CSMD1: variants seen among roughly 807,000 people sequenced by gnomAD.
CSMD1 encodes the protein CUB and sushi domain-containing protein 1.
Under a neutral mutation model 417.5 loss-of-function variants are expected in CSMD1, and 213 were observed. The observed-to-expected ratio is 0.51, with a 90% confidence interval of 0.46 to 0.57. CSMD1 has a LOEUF of 0.57. Ranked by LOEUF, CSMD1 falls within the 20% of genes least tolerant of loss-of-function variation. CSMD1 has a pLI of 0.00. For synonymous variants in CSMD1, 2,862 were observed against 1,736.8 expected (o/e 1.65, Z -16.11); for missense variants, 6,923 against 4,529.7 (o/e 1.53, Z -15.17).
At chr8:4,613,729 T>A (rs562287817) in intron 2 of CSMD1, among the ~76,000 whole-genome samples, 1 of 152,208 alleles carries the variant, frequency 6.6e-6, no homozygotes, top group South Asian at 2.1e-4. Context: ...AATAGAAGAC[T>A]GAATTCTAAT....
chr8:4,206,391 G>A (rs939353988), intron 3 of CSMD1, among the ~76,000 whole-genome samples: 2 of 151,232 alleles, frequency 1.3e-5, no homozygotes, highest in African/African-American at 4.9e-5. Flanking sequence ...TCCCCACCCT[G>A]TCTCCAACTG....
chr8:4,127,344 T>C (rs1423694556), intron 3 of CSMD1, among the ~76,000 whole-genome samples: 7 of 149,246 alleles, frequency 4.7e-5, no homozygotes, highest in African/African-American at 1.5e-4. Flanking sequence ...TACAAGCCTC[T>C]CCCTTCCTTC....
At chr8:3,099,581 T>A (rs1051818127) in intron 46 of CSMD1, among the ~76,000 whole-genome samples, 10 of 152,126 alleles carry the variant, frequency 6.6e-5, no homozygotes, top group African/African-American at 2.4e-4. Flanking sequence ...AGGACTGAGA[T>A]TTTATAACTG....
intron 2 of CSMD1, among the ~76,000 whole-genome samples, chr8:4,443,369 G>A (rs1282387712): frequency 6.6e-6 from 1 of 152,128 alleles, no homozygotes; most frequent in Non-Finnish European, 1.5e-5. Context: ...TGAAACAACG[G>A]CTTTGATAAC....
At chr8:4,356,058 G>A (rs930882801) in intron 3 of CSMD1, among the ~76,000 whole-genome samples, 9 of 152,092 alleles carry the variant, frequency 5.9e-5, no homozygotes, top group Non-Finnish European at 1.3e-4. Context: ...CTCATCACCT[G>A]AGCAGTGTAC....
chr8:3,482,807 G>A (rs527335835), intron 11 of CSMD1, among the ~76,000 whole-genome samples: 3 of 152,022 alleles, frequency 2.0e-5, no homozygotes, highest in Non-Finnish European at 2.9e-5. Flanking sequence ...AATCAAACTA[G>A]AAATCAGTTA....
intron 43 of CSMD1, 23 bp from the exon 44 acceptor site, chr8:3,108,771 G>C (rs1712285918): frequency 6.3e-7 from 1 of 1,595,484 alleles, no homozygotes; most frequent in Non-Finnish European, 8.5e-7. Flanking sequence ...GAAAGAGGTG[G>C]CTGGCTAAGG....
intron 35 of CSMD1, 78 bp downstream of exon 35, chr8:3,188,809 T>C (rs1029248925): frequency 4.8e-6 from 6 of 1,256,614 alleles, no homozygotes; most frequent in Admixed American, 3.4e-5. Context: ...GAAAGAAACA[T>C]AGAACAAAAG....
intron 3 of CSMD1, among the ~76,000 whole-genome samples, chr8:4,059,929 C>T (rs1485743643): frequency 1.3e-5 from 2 of 151,884 alleles, no homozygotes; most frequent in Non-Finnish European, 2.9e-5. Flanking sequence ...GGGAATCCTC[C>T]CTAACTCATT....
intron 1 of CSMD1, among the ~76,000 whole-genome samples, chr8:4,783,614 C>G (rs962620615): frequency 6.6e-6 from 1 of 152,186 alleles, no homozygotes; most frequent in African/African-American, 2.4e-5. Context: ...CATTGCAGTG[C>G]CTCTTTTCAC....
chr8:4,339,796 G>T (rs1201125999), intron 3 of CSMD1, among the ~76,000 whole-genome samples: 3 of 152,074 alleles, frequency 2.0e-5, no homozygotes, highest in Non-Finnish European at 4.4e-5. Flanking sequence ...GAATGAGGTG[G>T]GAGAACCACT....
intron 1 of CSMD1, among the ~76,000 whole-genome samples, chr8:4,903,607 T>C (rs988041331): frequency 2.0e-5 from 3 of 152,260 alleles, no homozygotes; most frequent in Admixed American, 2.0e-4. Context: ...TGTTACATGA[T>C]AAAACATTAT....
At chr8:4,121,773 G>A (rs1363729119) in intron 3 of CSMD1, among the ~76,000 whole-genome samples, 1 of 151,864 alleles carries the variant, frequency 6.6e-6, no homozygotes, top group African/African-American at 2.4e-5. Flanking sequence ...AATTACAAAG[G>A]TAATATTACA....
chr8:4,208,794 C>T (rs937982922), intron 3 of CSMD1, among the ~76,000 whole-genome samples: 1 of 152,144 alleles, frequency 6.6e-6, no homozygotes, highest in Non-Finnish European at 1.5e-5. Context: ...AGAAGAACAT[C>T]TAGAAAACTG....
At chr8:4,036,173 T>G (rs936252368) in intron 3 of CSMD1, among the ~76,000 whole-genome samples, 1 of 152,174 alleles carries the variant, frequency 6.6e-6, no homozygotes, top group Non-Finnish European at 1.5e-5. Flanking sequence ...TGTGTAAGTG[T>G]GCTCTGTGAT....
intron 26 of CSMD1, among the ~76,000 whole-genome samples, chr8:3,264,574 G>A (rs988778584): frequency 6.6e-6 from 1 of 152,114 alleles, no homozygotes; most frequent in Non-Finnish European, 1.5e-5. Flanking sequence ...CTAGAACAGA[G>A]AATAAATATT....
At chr8:4,582,918 C>G (rs996552139) in intron 2 of CSMD1, among the ~76,000 whole-genome samples, 1 of 152,200 alleles carries the variant, frequency 6.6e-6, no homozygotes, top group Admixed American at 6.5e-5. Context: ...GCCCCACACT[C>G]GGAGCAGCTG....
chr8:4,891,448 A>C (rs545970953), intron 1 of CSMD1, among the ~76,000 whole-genome samples: 2 of 152,268 alleles, frequency 1.3e-5, no homozygotes, highest in South Asian at 4.2e-4. Context: ...GTGTGAACCT[A>C]ATTTAAGTTT....
chr8:4,181,940 C>A (rs566866678), intron 3 of CSMD1, among the ~76,000 whole-genome samples: 1 of 108,522 alleles, frequency 9.2e-6, no homozygotes. Context: ...CTAGGTGATT[C>A]TGTTTGTCTG....
Sources: gnomAD v4.1 joint callset for allele counts (sites outside exome capture counted in the v4.1 genomes callset) on GRCh38, gnomAD v4.1.1 for gene constraint, MANE v1.5 for transcripts, NCBI Gene and HGNC (gene_info 2026-07-23, HGNC 2026-07-21) for gene names.